GPR158: variants seen among roughly 807,000 people sequenced by gnomAD.
GPR158 encodes metabotropic glycine receptor.
In GPR158, 30 loss-of-function variants were observed where a neutral mutation model predicts 78.2. That is an observed-to-expected ratio of 0.38 (90% confidence interval 0.29 to 0.52). The LOEUF is 0.52. Ranked by LOEUF, GPR158 falls within the 20% of genes least tolerant of loss-of-function variation. The pLI, the probability that GPR158 is intolerant of heterozygous loss-of-function variation, is 0.83. For synonymous variants in GPR158, 581 were observed against 591.1 expected, an observed-to-expected ratio of 0.98 and a Z score of 0.25; for missense variants, 1,463 against 1,523.5, an observed-to-expected ratio of 0.96 and a Z score of 0.66.
Position 25,412,329 on chromosome 10 carries a change from G to C in GPR158, c.1191G>C (p.Glu397Asp), listed in dbSNP as rs750550148. ...EEAYVCLPCR[E>D]GCPFCADDSP... Reference sequence around the variant, plus strand: ...CCTATGTCTGCCTACCTTGCAGGGAGGGCTGCCCCTTCTGTGCTGATGACA... The same window carrying C: ...CCTATGTCTGCCTACCTTGCAGGGACGGCTGCCCCTTCTGTGCTGATGACA... The change falls in exon 4 of 11, where the codon GAG becomes GAC. Residue 397 changes from glutamate to aspartate, a missense_variant. Glu to Asp is a conservative substitution (Grantham distance 45). Coordinates refer to ENST00000376351, the MANE Select transcript of GPR158 (RefSeq NM_020752.3). The C allele has an allele frequency of 2.5e-6, 4 of 1,613,896 alleles. No individual in the cohort carries two copies. The African/African-American group carries it at 5.3e-5, about 22-fold the overall frequency.
intron 2 of GPR158, among the ~76,000 whole-genome samples, chr10:25,252,867 G>A (rs1271707419): frequency 3.9e-5 from 6 of 152,214 alleles, no homozygotes; most frequent in Non-Finnish European, 8.8e-5. Context: ...TGGCTGCTTT[G>A]TTTACCTAAG....
At chr10:25,565,961 A>G (rs906573054) in intron 6 of GPR158, among the ~76,000 whole-genome samples, 1 of 152,178 alleles carries the variant, frequency 6.6e-6, no homozygotes, top group African/African-American at 2.4e-5. Flanking sequence ...TAAGGCCAGA[A>G]ATATGTGTGG....
At chr10:25,581,169 C>T (rs888183702) in intron 7 of GPR158, among the ~76,000 whole-genome samples, 1 of 151,572 alleles carries the variant, frequency 6.6e-6, no homozygotes, top group Non-Finnish European at 1.5e-5. Context: ...ACCTCATGAT[C>T]CACCCGCCTC....
chr10:25,303,661 C>T (rs7919265), intron 2 of GPR158, among the ~76,000 whole-genome samples: 30,805 of 152,120 alleles, frequency 0.2, 5,268 homozygotes, highest in African/African-American at 0.47. Flanking sequence ...TCGATGATAA[C>T]CCCTTCTTTG....
chr10:25,225,830 A>G (rs1038572328), intron 2 of GPR158, among the ~76,000 whole-genome samples: 8 of 152,166 alleles, frequency 5.3e-5, no homozygotes, highest in Non-Finnish European at 1.0e-4. Context: ...ATGTAGTTTA[A>G]TGAATCTCTA....
chr10:25,358,867 G>A (rs1442514783), intron 2 of GPR158, among the ~76,000 whole-genome samples: 1 of 152,018 alleles, frequency 6.6e-6, no homozygotes, highest in Non-Finnish European at 1.5e-5. Flanking sequence ...TTTGAGACTT[G>A]TTTTATGGCA....
At chr10:25,226,332 T>G (rs1853372367) in intron 2 of GPR158, among the ~76,000 whole-genome samples, 1 of 152,204 alleles carries the variant, frequency 6.6e-6, no homozygotes, top group Non-Finnish European at 1.5e-5. Flanking sequence ...TAGGATATAG[T>G]CTAGCTTATA....
chr10:25,503,985 G>A (rs915254207), intron 5 of GPR158, among the ~76,000 whole-genome samples: 1 of 151,498 alleles, frequency 6.6e-6, no homozygotes, highest in Non-Finnish European at 1.5e-5. Flanking sequence ...CTACCTCCCA[G>A]GTTCAAGCGA....
chr10:25,363,296 A>T (rs1448025483), intron 2 of GPR158, among the ~76,000 whole-genome samples: 1 of 151,808 alleles, frequency 6.6e-6, no homozygotes, highest in Non-Finnish European at 1.5e-5. Context: ...TTCTGTTTTT[A>T]TCATGGAGTA....
chr10:25,486,590 C>T (rs965817414), intron 5 of GPR158, among the ~76,000 whole-genome samples: 1 of 152,044 alleles, frequency 6.6e-6, no homozygotes, highest in African/African-American at 2.4e-5. Flanking sequence ...ATTGCTAAAA[C>T]GTGGTTTTTT....
Position 25,199,116 on chromosome 10 carries a change from CAAAT to C in GPR158, c.903-21932_903-21929del, listed in dbSNP as rs1272673047. Among the ~76,000 whole-genome samples, 4 of 149,324 alleles carry C rather than the reference CAAAT, an allele frequency of 2.7e-5. No homozygotes were observed. In the East Asian group the frequency reaches 8.1e-4, roughly 30 times the overall value. On this transcript the variant is annotated intron_variant, in intron 1 of 10. Transcript: ENST00000376351. ...AGATGGTAGAGATCCACTTTGGGCTCAAATAAAGTTTTTGTTTTTTTTTTGCTTT... is the reference window on the plus strand; with the variant it reads ...AGATGGTAGAGATCCACTTTGGGCTCAAAGTTTTTGTTTTTTTTTTGCTTT...
chr10:25,391,732 G>A (rs1374072937), intron 2 of GPR158, among the ~76,000 whole-genome samples: 1 of 152,160 alleles, frequency 6.6e-6, no homozygotes, highest in Non-Finnish European at 1.5e-5. Context: ...ATGCTGAAAT[G>A]AATTGAGACT....
At chr10:25,290,425 A>G (rs944975025) in intron 2 of GPR158, among the ~76,000 whole-genome samples, 1 of 152,200 alleles carries the variant, frequency 6.6e-6, no homozygotes, top group African/African-American at 2.4e-5. Context: ...GGATGTATTG[A>G]CAGTCTACAG....
At chr10:25,281,582 CA>C (rs1854275499) in intron 2 of GPR158, among the ~76,000 whole-genome samples, 1 of 151,242 alleles carries the variant, frequency 6.6e-6, no homozygotes. Flanking sequence ...TGTCTCAAAA[CA>C]ACAACAAAAA....
chr10:25,291,587 C>T (rs1854436340), intron 2 of GPR158, among the ~76,000 whole-genome samples: 1 of 151,818 alleles, frequency 6.6e-6, no homozygotes, highest in South Asian at 2.1e-4. Flanking sequence ...GTTAGCATAC[C>T]TTAATGCATT....
At chr10:25,265,238 C>CG (rs1554789197) in intron 2 of GPR158, among the ~76,000 whole-genome samples, 1 of 152,136 alleles carries the variant, frequency 6.6e-6, no homozygotes, top group Non-Finnish European at 1.5e-5. Flanking sequence ...CAACAGACAA[C>CG]GGGCTGTGAA....
chr10:25,197,873 C>G (rs151256902), intron 1 of GPR158, among the ~76,000 whole-genome samples: 6 of 152,238 alleles, frequency 3.9e-5, no homozygotes, highest in African/African-American at 1.4e-4. Flanking sequence ...GCACTGGGTT[C>G]CCTGACAAGA....
intron 1 of GPR158, among the ~76,000 whole-genome samples, chr10:25,177,495 C>G (rs1357176997): frequency 1.3e-5 from 2 of 152,154 alleles, no homozygotes; most frequent in East Asian, 1.9e-4. Flanking sequence ...TTTAAATACC[C>G]TGTCACAGCA....
At chr10:25,483,082 T>G (rs190294330) in intron 5 of GPR158, among the ~76,000 whole-genome samples, 1 of 152,134 alleles carries the variant, frequency 6.6e-6, no homozygotes, top group African/African-American at 2.4e-5. Context: ...ACCCGTTAAC[T>G]AGTATGCCTG....
Sources: gnomAD v4.1 joint callset for allele counts (sites outside exome capture counted in the v4.1 genomes callset) on GRCh38, gnomAD v4.1.1 for gene constraint, MANE v1.5 for transcripts, NCBI Gene and HGNC (gene_info 2026-07-23, HGNC 2026-07-21) for gene names.